Variants in PTPRM observed in about 807,000 individuals in gnomAD.
The protein encoded by PTPRM is receptor-type tyrosine-protein phosphatase mu.
Under a neutral mutation model 186.7 loss-of-function variants are expected in PTPRM, and 47 were observed. The observed-to-expected ratio is 0.25, with a 90% CI of 0.20 to 0.32. The LOEUF (loss-of-function observed/expected upper bound fraction) is 0.32, where lower values mean the gene tolerates loss of function less well. Among genes scored for constraint, PTPRM ranks in the 10% least tolerant of loss-of-function variants. The pLI is 1.00. For missense variants in PTPRM, 1,494 were observed against 1,865.0 expected, an observed-to-expected ratio of 0.80 and a Z score of 3.66; for synonymous variants, 668 against 674.9, an observed-to-expected ratio of 0.99 and a Z score of 0.16.
chr18:7,961,096 G>T (rs1057180931), intron 7 of PTPRM, among the ~76,000 whole-genome samples: 3 of 152,014 alleles, frequency 2.0e-5, no homozygotes, highest in Non-Finnish European at 2.9e-5. Flanking sequence ...GGTAAATGGG[G>T]TATCCATCAC....
intron 20 of PTPRM, among the ~76,000 whole-genome samples, chr18:8,303,251 G>A (rs2095180744): frequency 6.6e-6 from 1 of 152,130 alleles, no homozygotes. Context: ...AGACTCTGAT[G>A]TAGTGCTGAG....
intron 14 of PTPRM, among the ~76,000 whole-genome samples, chr18:8,151,909 G>A (rs1177367508): frequency 5.3e-5 from 8 of 152,020 alleles, no homozygotes; most frequent in African/African-American, 1.9e-4. Context: ...GGTAGGGAAA[G>A]AAATTCCCCG....
chr18:8,213,821 A>C (rs552380473), intron 14 of PTPRM, among the ~76,000 whole-genome samples: 1 of 152,348 alleles, frequency 6.6e-6, no homozygotes, highest in East Asian at 1.9e-4. Flanking sequence ...TTGTCACTGC[A>C]CTGTTCACAA....
At chr18:7,756,548 T>C (rs1327958942) in intron 1 of PTPRM, among the ~76,000 whole-genome samples, 1 of 152,218 alleles carries the variant, frequency 6.6e-6, no homozygotes, top group East Asian at 1.9e-4. Flanking sequence ...ATGTCAGTGC[T>C]GTTTGGCTAT....
intron 23 of PTPRM, among the ~76,000 whole-genome samples, chr18:8,345,077 T>C (rs143743546): frequency 3.1e-4 from 47 of 152,242 alleles, no homozygotes; most frequent in African/African-American, 1.0e-3. Flanking sequence ...ATTAGAACTG[T>C]GAATCATAAA....
intron 28 of PTPRM, 145 bp downstream of exon 28, chr18:8,379,485 A>T: frequency 1.1e-6 from 1 of 907,212 alleles, no homozygotes; most frequent in Non-Finnish European, 1.6e-6. Context: ...TAGATTTCAG[A>T]TTCCACGTAT....
chr18:8,325,737 T>C (rs1160774473), intron 22 of PTPRM, among the ~76,000 whole-genome samples: 2 of 152,186 alleles, frequency 1.3e-5, no homozygotes, highest in Non-Finnish European at 2.9e-5. Flanking sequence ...TGTTGTAAGT[T>C]CTTTGAGAAA....
At chr18:7,801,145 A>C (rs1393975746) in intron 2 of PTPRM, among the ~76,000 whole-genome samples, 1 of 152,172 alleles carries the variant, frequency 6.6e-6, no homozygotes, top group Non-Finnish European at 1.5e-5. Flanking sequence ...AATTAACCTT[A>C]GCCTACTGTA....
chr18:8,241,058 T>A (rs2094430064), intron 14 of PTPRM, among the ~76,000 whole-genome samples: 1 of 152,228 alleles, frequency 6.6e-6, no homozygotes, highest in Non-Finnish European at 1.5e-5. Context: ...CCAGGCGCAG[T>A]GGCTCATGCC....
intron 22 of PTPRM, among the ~76,000 whole-genome samples, chr18:8,332,051 A>T (rs539851641): frequency 6.6e-6 from 1 of 152,350 alleles, no homozygotes; most frequent in South Asian, 2.1e-4. Flanking sequence ...AGAATTACAC[A>T]GGGGTGTTTT....
chr18:7,905,156 C>T (rs780689073), intron 3 of PTPRM, among the ~76,000 whole-genome samples: 6 of 151,972 alleles, frequency 3.9e-5, no homozygotes, highest in Non-Finnish European at 8.8e-5. Flanking sequence ...ACCACGTCCA[C>T]CTAATTTTTG....
At chr18:8,262,461 G>C (rs34478307) in intron 19 of PTPRM, among the ~76,000 whole-genome samples, 18,366 of 152,198 alleles carry the variant, frequency 0.12, 1,399 homozygotes, top group Middle Eastern at 0.21. Context: ...TTCCCACCGT[G>C]CAGGCTGTGC....
At chr18:8,281,132 G>T (rs1372999872) in intron 19 of PTPRM, among the ~76,000 whole-genome samples, 1 of 152,222 alleles carries the variant, frequency 6.6e-6, no homozygotes, top group East Asian at 1.9e-4. Flanking sequence ...ATATCCCACA[G>T]CAACTGGAAC....
At chr18:8,044,661 G>A (rs1444010735) in intron 7 of PTPRM, among the ~76,000 whole-genome samples, 1 of 150,642 alleles carries the variant, frequency 6.6e-6, no homozygotes, top group Non-Finnish European at 1.5e-5. Flanking sequence ...GGAGGCTGAG[G>A]CAGGAGAATC....
At chr18:7,576,098 G>C (rs1215481594) in intron 1 of PTPRM, among the ~76,000 whole-genome samples, 1 of 152,068 alleles carries the variant, frequency 6.6e-6, no homozygotes, top group South Asian at 2.1e-4. Context: ...TGTCAAAACT[G>C]ATAAGGTTTT....
intron 13 of PTPRM, among the ~76,000 whole-genome samples, chr18:8,129,403 G>C (rs945711074): frequency 1.3e-5 from 2 of 152,174 alleles, no homozygotes; most frequent in East Asian, 3.8e-4. Context: ...TTCCCTGGCT[G>C]TACTGTTGAT....
chr18:7,865,557 CT>C, intron 2 of PTPRM, among the ~76,000 whole-genome samples: 1 of 152,256 alleles, frequency 6.6e-6, no homozygotes, highest in East Asian at 1.9e-4. Context: ...GGTGGATAAG[CT>C]TTTTGATGTG....
rs536050525 is a variant in PTPRM at position 8,385,995 on chromosome 18, G to A, written c.4045-1077G>A. ...AGCACAATCCTGGGGAATGGAGTGG[G>A]CTCTCACGGTTCCTGTCCTGAGAGC... On this transcript the variant is annotated intron_variant, in intron 30 of 32. Transcript: ENST00000580170. Among the ~76,000 whole-genome samples, 7 of 152,222 alleles carry A rather than the reference G, an allele frequency of 4.6e-5. No individual in the cohort carries two copies. The East Asian group carries it at 1.2e-3, about 25-fold the overall frequency.
chr18:8,027,549 A>G (rs540793830), intron 7 of PTPRM, among the ~76,000 whole-genome samples: 53 of 152,346 alleles, frequency 3.5e-4, no homozygotes, highest in Middle Eastern at 3.4e-3. Flanking sequence ...TTCTGCTAAC[A>G]TATTGCATAG....
Sources: gnomAD v4.1 joint callset for allele counts (sites outside exome capture counted in the v4.1 genomes callset) on GRCh38, gnomAD v4.1.1 for gene constraint, MANE v1.5 for transcripts, NCBI Gene and HGNC (gene_info 2026-07-23, HGNC 2026-07-21) for gene names.